Variants in CD247 observed in about 807,000 individuals in gnomAD.
The protein encoded by CD247 is T-cell surface glycoprotein CD3 zeta chain.
A neutral mutation model predicts 30.0 loss-of-function variants in CD247; 13 were observed. The ratio of observed to expected loss-of-function variants is 0.43; its 90% CI spans 0.28 to 0.69. The LOEUF (loss-of-function observed/expected upper bound fraction) is 0.69, where lower values mean the gene tolerates loss of function less well. Among genes scored for constraint, CD247 ranks in the 30% least tolerant of loss-of-function variants. The pLI, the probability that CD247 is intolerant of heterozygous loss-of-function variation, is 0.16. For missense variants in CD247, 193 were observed against 212.6 expected, an observed-to-expected ratio of 0.91 and a Z score of 0.57; for synonymous variants, 72 against 80.0, an observed-to-expected ratio of 0.90 and a Z score of 0.53.
At chr1:167,473,035 C>T (rs1449882954) in intron 1 of CD247, among the ~76,000 whole-genome samples, 1 of 151,948 alleles carries the variant, frequency 6.6e-6, no homozygotes, top group African/African-American at 2.4e-5. Flanking sequence ...AAGTATTCTA[C>T]AGCTGGGGCC....
intron 1 of CD247, among the ~76,000 whole-genome samples, chr1:167,468,857 T>C (rs574971038): frequency 6.6e-6 from 1 of 152,206 alleles, no homozygotes; most frequent in Admixed American, 6.5e-5. Flanking sequence ...ACCCGGCTGA[T>C]TTGTTGTGAA....
chr1:167,466,450 G>A (rs76595859), intron 1 of CD247, among the ~76,000 whole-genome samples: 4,289 of 151,406 alleles, frequency 0.028, 199 homozygotes, highest in African/African-American at 0.099. Context: ...AACTAATGTT[G>A]TTGGGGAAAT....
intron 1 of CD247, among the ~76,000 whole-genome samples, chr1:167,485,182 T>C (rs1654152138): frequency 6.6e-6 from 1 of 152,110 alleles, no homozygotes; most frequent in African/African-American, 2.4e-5. Context: ...CTGCCTTCTG[T>C]GGACCTATTG....
chr1:167,438,152 C>G (rs985072519), intron 4 of CD247, among the ~76,000 whole-genome samples: 1 of 152,180 alleles, frequency 6.6e-6, no homozygotes. Flanking sequence ...ATAGTGTCTA[C>G]AAAGCCAAGA....
chr1:167,472,008 A>T (rs1006324472), intron 1 of CD247, among the ~76,000 whole-genome samples: 7 of 151,382 alleles, frequency 4.6e-5, no homozygotes, highest in African/African-American at 1.7e-4. Context: ...AATTTTTTGT[A>T]TTTTTAGTAG....
At chr1:167,517,824 G>T (rs1008814356) in intron 1 of CD247, among the ~76,000 whole-genome samples, 2 of 152,194 alleles carry the variant, frequency 1.3e-5, no homozygotes, top group African/African-American at 4.8e-5. Context: ...TGGCGAAGGC[G>T]CTGTGGAGGC....
chr1:167,437,603 C>T, intron 4 of CD247, among the ~76,000 whole-genome samples: 1 of 152,116 alleles, frequency 6.6e-6, no homozygotes, highest in East Asian at 1.9e-4. Flanking sequence ...CAAGTGAAAT[C>T]AGCCAGGCAC....
intron 1 of CD247, among the ~76,000 whole-genome samples, chr1:167,458,895 G>A (rs916412337): frequency 1.3e-5 from 2 of 151,706 alleles, no homozygotes; most frequent in Admixed American, 1.3e-4. Flanking sequence ...GGCTGAGGCA[G>A]GCGGATCACT....
chr1:167,510,731 G>A (rs767419136), intron 1 of CD247, among the ~76,000 whole-genome samples: 1 of 152,176 alleles, frequency 6.6e-6, no homozygotes, highest in Non-Finnish European at 1.5e-5. Flanking sequence ...AGACACAGTA[G>A]ACTCTAGTAT....
At chr1:167,447,966 GT>G (rs151071205) in intron 1 of CD247, among the ~76,000 whole-genome samples, 41,572 of 145,006 alleles carry the variant, frequency 0.29, 7,122 homozygotes, top group South Asian at 0.4. Context: ...GCAGCTATGG[GT>G]GGGGGGGTGG....
intron 1 of CD247, among the ~76,000 whole-genome samples, chr1:167,506,222 TTTC>T (rs1006265789): frequency 1.2e-4 from 7 of 59,638 alleles, no homozygotes; most frequent in Admixed American, 5.3e-4. Flanking sequence ...ATCTTTCTTT[TTTC>T]TTTTCTTTTC....
At chr1:167,518,022 C>G (rs916844265) in intron 1 of CD247, among the ~76,000 whole-genome samples, 1 of 152,182 alleles carries the variant, frequency 6.6e-6, no homozygotes, top group Admixed American at 6.5e-5. Context: ...GGGACTAGAA[C>G]GTCGCAGCAC....
intron 1 of CD247, among the ~76,000 whole-genome samples, chr1:167,481,694 G>A (rs955924941): frequency 6.6e-6 from 1 of 152,212 alleles, no homozygotes; most frequent in Non-Finnish European, 1.5e-5. Context: ...ATTGGTGCAC[G>A]TGATACTCCA....
intron 1 of CD247, among the ~76,000 whole-genome samples, chr1:167,480,982 C>A (rs950881380): frequency 6.6e-6 from 1 of 152,202 alleles, no homozygotes; most frequent in Non-Finnish European, 1.5e-5. Context: ...TGATTCTCAA[C>A]CATTATCCAC....
intron 1 of CD247, among the ~76,000 whole-genome samples, chr1:167,476,179 A>G (rs1558016151): frequency 1.3e-5 from 2 of 152,174 alleles, no homozygotes; most frequent in Non-Finnish European, 2.9e-5. Context: ...CTATAACATT[A>G]TGGGTTGAAA....
At chr1:167,477,202 A>G (rs1303199159) in intron 1 of CD247, among the ~76,000 whole-genome samples, 1 of 152,068 alleles carries the variant, frequency 6.6e-6, no homozygotes, top group African/African-American at 2.4e-5. Context: ...TTATCAGGTT[A>G]CTCTCCCTCC....
intron 1 of CD247, among the ~76,000 whole-genome samples, chr1:167,512,639 G>T (rs1655437352): frequency 6.6e-6 from 1 of 152,206 alleles, no homozygotes; most frequent in Non-Finnish European, 1.5e-5. Context: ...TTGGGAAAAT[G>T]ATATTCTATT....
intron 1 of CD247, among the ~76,000 whole-genome samples, chr1:167,517,331 C>T (rs1002138751): frequency 1.3e-5 from 2 of 152,216 alleles, no homozygotes; most frequent in African/African-American, 2.4e-5. Flanking sequence ...ATTCCCACAC[C>T]CAGGTGAGTT....
At chr1:167,474,025 A>C (rs1325111144) in intron 1 of CD247, among the ~76,000 whole-genome samples, 1 of 151,686 alleles carries the variant, frequency 6.6e-6, no homozygotes, top group African/African-American at 2.4e-5. Context: ...TGCTCTGCAC[A>C]CCCTCTCCCT....
Sources: gnomAD v4.1 joint callset for allele counts (sites outside exome capture counted in the v4.1 genomes callset) on GRCh38, gnomAD v4.1.1 for gene constraint, MANE v1.5 for transcripts, NCBI Gene and HGNC (gene_info 2026-07-23, HGNC 2026-07-21) for gene names.